The following MEGF9 variants were observed in gnomAD, a reference collection of about 807,000 sequenced individuals.
MEGF9 encodes multiple EGF like domains 9, also known as multiple epidermal growth factor-like domains protein 9.
Under a neutral mutation model 46.8 loss-of-function variants are expected in MEGF9, and 6 were observed. The observed-to-expected ratio is 0.13, with a 90% CI of 0.07 to 0.25. MEGF9 has a LOEUF of 0.25. Ranked by LOEUF, MEGF9 falls within the 10% of genes least tolerant of loss-of-function variation. The probability of loss-of-function intolerance (pLI) is 1.00; values close to 1 mark genes in which losing one functional copy is unlikely to be tolerated. For synonymous variants in MEGF9, 302 were observed against 330.7 expected, an observed-to-expected ratio of 0.91 and a Z score of 0.94; for missense variants, 683 against 792.4, an observed-to-expected ratio of 0.86 and a Z score of 1.66.
chr9:120,650,807 C>A (rs1434245426), intron 2 of MEGF9, among the ~76,000 whole-genome samples: 3 of 151,902 alleles, frequency 2.0e-5, no homozygotes, highest in Non-Finnish European at 4.4e-5. Flanking sequence ...AGGAAATTCA[C>A]TGGAATTTTC....
intron 2 of MEGF9, among the ~76,000 whole-genome samples, chr9:120,657,849 C>T (rs78199725): frequency 0.016 from 2,495 of 152,292 alleles, 63 homozygotes; most frequent in African/African-American, 0.056. Flanking sequence ...CTGGCACTTA[C>T]TATCTTTGTG....
At chr9:120,687,488 C>A (rs2043827744) in intron 1 of MEGF9, among the ~76,000 whole-genome samples, 1 of 151,998 alleles carries the variant, frequency 6.6e-6, no homozygotes, top group Non-Finnish European at 1.5e-5. Flanking sequence ...GTAGAATCAG[C>A]TCAAATGATT....
intron 2 of MEGF9, among the ~76,000 whole-genome samples, chr9:120,640,094 TA>T (rs1224460459): frequency 1.3e-5 from 2 of 152,228 alleles, no homozygotes; most frequent in Non-Finnish European, 2.9e-5. Flanking sequence ...TGTTTCTGTA[TA>T]AAAACTTTGG....
chr9:120,667,214 G>A (rs113689220), intron 1 of MEGF9, among the ~76,000 whole-genome samples: 2 of 152,298 alleles, frequency 1.3e-5, no homozygotes, highest in African/African-American at 4.8e-5. Context: ...CCCAACTAAT[G>A]ATTGAGGCTT....
chr9:120,607,242 G>A (rs2043423510), intron 5 of MEGF9, among the ~76,000 whole-genome samples: 1 of 152,138 alleles, frequency 6.6e-6, no homozygotes, highest in Non-Finnish European at 1.5e-5. Context: ...ATTTTGCCAT[G>A]TGGATAACTT....
intron 4 of MEGF9, among the ~76,000 whole-genome samples, chr9:120,608,241 A>C (rs1030748813): frequency 6.6e-6 from 1 of 152,074 alleles, no homozygotes; most frequent in Non-Finnish European, 1.5e-5. Context: ...GACATATAAT[A>C]ATCTCTATTA....
chr9:120,651,031 A>C (rs533371807), intron 2 of MEGF9, among the ~76,000 whole-genome samples: 109 of 152,338 alleles, frequency 7.2e-4, no homozygotes, highest in Non-Finnish European at 1.4e-3. Context: ...TGCACAGATT[A>C]GATTATAAAT....
At chr9:120,687,318 A>ACTGAATCAGGAC (rs1248731298) in intron 1 of MEGF9, among the ~76,000 whole-genome samples, 1 of 152,170 alleles carries the variant, frequency 6.6e-6, no homozygotes, top group Non-Finnish European at 1.5e-5. Flanking sequence ...CCTGAGAACA[A>ACTGAATCAGGAC]CTGAATCAGG....
intron 1 of MEGF9, among the ~76,000 whole-genome samples, chr9:120,664,051 A>T (rs1319898297): frequency 4.6e-5 from 7 of 152,240 alleles, no homozygotes; most frequent in African/African-American, 1.7e-4. Flanking sequence ...AGAGATGAAA[A>T]TTTTTTAGCC....
chr9:120,619,093 C>A (rs2132302456), intron 3 of MEGF9, among the ~76,000 whole-genome samples: 1 of 152,202 alleles, frequency 6.6e-6, no homozygotes, highest in African/African-American at 2.4e-5. Context: ...CATCTGTAAT[C>A]CCACCACTTT....
At chr9:120,664,937 A>C (rs2043718433) in intron 1 of MEGF9, among the ~76,000 whole-genome samples, 2 of 152,240 alleles carry the variant, frequency 1.3e-5, no homozygotes, top group African/African-American at 4.8e-5. Flanking sequence ...TGATATTTCA[A>C]TACATGCATA....
Position 120,670,443 on chromosome 9 carries a change from C to G in MEGF9, c.602-10868G>C, listed in dbSNP as rs2043743841. ...CCACTATGTATCCTCTACCGTGTTC[C>G]TAGAGCATTGTTAGAGAAAGTTACA... On this transcript the variant is annotated intron_variant, in intron 1 of 5. Transcript: ENST00000373930. Among the ~76,000 whole-genome samples the G allele has an allele frequency of 2.0e-5, 3 of 152,148 alleles. No individual in the cohort carries two copies. In the East Asian group the frequency reaches 5.8e-4, roughly 29 times the overall value.
At chr9:120,687,313 G>A (rs2132336061) in intron 1 of MEGF9, among the ~76,000 whole-genome samples, 1 of 152,258 alleles carries the variant, frequency 6.6e-6, no homozygotes, top group East Asian at 1.9e-4. Flanking sequence ...GCCCACCTGA[G>A]AACAACTGAA....
At chr9:120,632,720 T>C (rs1463310796) in intron 2 of MEGF9, among the ~76,000 whole-genome samples, 1 of 152,234 alleles carries the variant, frequency 6.6e-6, no homozygotes, top group Non-Finnish European at 1.5e-5. Context: ...TGTATGATGC[T>C]GGCTGTTGGT....
chr9:120,636,124 G>C (rs1324345046), intron 2 of MEGF9, among the ~76,000 whole-genome samples: 2 of 152,154 alleles, frequency 1.3e-5, no homozygotes, highest in Non-Finnish European at 2.9e-5. Context: ...TTTTTGTAGA[G>C]ATGGGATTTC....
At chr9:120,611,799 GGAAAGAAA>G (rs142409519) in intron 4 of MEGF9, among the ~76,000 whole-genome samples, 3 of 135,064 alleles carry the variant, frequency 2.2e-5, no homozygotes, top group African/African-American at 5.5e-5. Context: ...AGAAAAGAAA[GGAAAGAAA>G]GAAAGAAAAG....
At chr9:120,614,793 GA>G (rs923476363) in intron 3 of MEGF9, among the ~76,000 whole-genome samples, 110 of 141,322 alleles carry the variant, frequency 7.8e-4, no homozygotes, top group African/African-American at 1.8e-3. Flanking sequence ...AAAAATACCT[GA>G]AAAAAAAAAA....
At chr9:120,631,114 C>T (rs1202862179) in intron 2 of MEGF9, among the ~76,000 whole-genome samples, 1 of 152,134 alleles carries the variant, frequency 6.6e-6, no homozygotes, top group Non-Finnish European at 1.5e-5. Context: ...AGTTTTCAGT[C>T]TTGCATTTAG....
Position 120,714,341 on chromosome 9 carries a change from C to T in MEGF9, c.18G>A (p.Glu6=), listed in dbSNP as rs2043969206. The T allele has an allele frequency of 7.4e-7, 1 of 1,345,738 alleles. No homozygotes were observed. Among genetic ancestry groups the T allele is most frequent in the East Asian group, 3.2e-5 (1 of 31,254 alleles). 83.4% of individuals were successfully genotyped at this position (1,345,738 alleles called of 1,614,324 possible). A position where few individuals can be genotyped will look rare whatever the true frequency, so the allele number is the denominator to read the frequency against. The change falls in exon 1 of 6, where the codon GAG becomes GAA. Residue 6 remains glutamate (E), a synonymous_variant. Coordinates refer to ENST00000373930, the MANE Select transcript of MEGF9 (RefSeq NM_001080497.3). ...GGCTCGGCAGGCTCCTCATGGCGCGCTCGGCTCCGCCATTCATTCATTCAG... is the reference window on the plus strand; with the variant it reads ...GGCTCGGCAGGCTCCTCATGGCGCGTTCGGCTCCGCCATTCATTCATTCAG... MNGGA[E]RAMRSLPSLG... is the part of the protein sequence containing the mutation.
Sources: gnomAD v4.1 joint callset for allele counts (sites outside exome capture counted in the v4.1 genomes callset) on GRCh38, gnomAD v4.1.1 for gene constraint, MANE v1.5 for transcripts, NCBI Gene and HGNC (gene_info 2026-07-23, HGNC 2026-07-21) for gene names.